AP3D1: variants seen among roughly 807,000 people sequenced by gnomAD.
AP3D1 encodes the protein adaptor related protein complex 3 subunit delta 1.
Under a neutral mutation model 147.6 loss-of-function variants are expected in AP3D1, and 51 were observed. The observed-to-expected ratio is 0.35, with a 90% CI of 0.28 to 0.44. AP3D1 has a LOEUF of 0.44. Ranked by LOEUF, AP3D1 falls within the 20% of genes least tolerant of loss-of-function variation. The pLI, the probability that AP3D1 is intolerant of heterozygous loss-of-function variation, is 1.00. For missense variants in AP3D1, 1,421 were observed against 1,624.2 expected (o/e 0.87, Z 2.15); for synonymous variants, 760 against 663.0 (o/e 1.15, Z -2.25).
intron 22 of AP3D1, 138 bp from the exon 23 acceptor site, chr19:2,113,551 G>C (rs528487420): frequency 1.4e-5 from 7 of 502,724 alleles, no homozygotes; most frequent in African/African-American, 1.2e-4. Context: ...TGCAGAGCCT[G>C]GGAATCCAGG....
intron 1 of AP3D1, among the ~76,000 whole-genome samples, chr19:2,150,230 G>A (rs1407887475): frequency 6.6e-6 from 1 of 152,184 alleles, no homozygotes; most frequent in Non-Finnish European, 1.5e-5. Flanking sequence ...GACTGGTGCG[G>A]TATCAGACGG....
chr19:2,158,873 A>G (rs1568315780), intron 1 of AP3D1, among the ~76,000 whole-genome samples: 1 of 152,344 alleles, frequency 6.6e-6, no homozygotes, highest in Non-Finnish European at 1.5e-5. Flanking sequence ...AAGTTAAACT[A>G]TAAACTAAGT....
intron 5 of AP3D1, 97 bp from the exon 6 acceptor site, chr19:2,130,634 C>T: frequency 1.9e-6 from 3 of 1,551,786 alleles, no homozygotes; most frequent in East Asian, 4.5e-5. Context: ...GAGATGCCCT[C>T]CAGCCCGACG....
chr19:2,157,408 C>A (rs985930610), intron 1 of AP3D1, among the ~76,000 whole-genome samples: 1 of 142,166 alleles, frequency 7.0e-6, no homozygotes, highest in African/African-American at 2.7e-5. Flanking sequence ...CGCCACTGCA[C>A]TCCAGCCTGG....
At chr19:2,132,394 C>T in intron 5 of AP3D1, 77 bp downstream of exon 5, 3 of 1,370,806 alleles carry the variant, frequency 2.2e-6, no homozygotes, top group Admixed American at 3.7e-5. Flanking sequence ...CATAGCCAAG[C>T]TTCCCAGGCA....
chr19:2,102,450 C>T (rs539053516), intron 31 of AP3D1, among the ~76,000 whole-genome samples, 182 bp from the exon 32 acceptor site: 3 of 152,104 alleles, frequency 2.0e-5, no homozygotes, highest in East Asian at 3.9e-4. Flanking sequence ...AAAAAATGGC[C>T]GGGTGCGGTG....
chr19:2,163,880 G>A (rs1322801544), intron 1 of AP3D1, among the ~76,000 whole-genome samples: 1 of 149,936 alleles, frequency 6.7e-6, no homozygotes, highest in Non-Finnish European at 1.5e-5. Flanking sequence ...CGGCGTCTTC[G>A]CTCCGGGCTC....
intron 2 of AP3D1, 113 bp from the exon 3 acceptor site, chr19:2,137,920 A>C: frequency 1.1e-6 from 1 of 893,700 alleles, no homozygotes; most frequent in Non-Finnish European, 1.8e-6. Flanking sequence ...AGACTCATTC[A>C]CTGTCAGCAA....
chr19:2,151,452 G>C lies in AP3D1; in HGVS notation c.-118C>G, dbSNP rs569529079. ...GCTGCCGGCCGCTGCGGCGGGGCAA[G>C]CTCCCAGGCCAGGGCGGCGGCGGGG... On this transcript the variant is annotated 5_prime_UTR_variant, in exon 1 of 32. Coordinates refer to ENST00000643116, the MANE Select transcript of AP3D1 (RefSeq NM_001261826.3). 1.8e-6 allele frequency: 1 copy of C among 561,648 alleles called. No individual in the cohort carries two copies. Among genetic ancestry groups the C allele is most frequent in the South Asian group, 7.4e-5 (1 of 13,490 alleles). The allele number at this position is 561,648 out of a possible 1,614,324, so 34.8% of individuals were successfully genotyped here. A position where few individuals can be genotyped will look rare whatever the true frequency, so the allele number is the denominator to read the frequency against.
chr19:2,132,198 G>C (rs1203843082), intron 5 of AP3D1, among the ~76,000 whole-genome samples: 1 of 152,106 alleles, frequency 6.6e-6, no homozygotes, highest in African/African-American at 2.4e-5. Context: ...TCAGACCTCA[G>C]GGCAAACATC....
In AP3D1 at chr19:2,143,353, G is replaced by A. The variant is rs566450610; in HGVS notation, c.97-4639C>T. Among the ~76,000 whole-genome samples, 308 of 145,368 alleles carry A rather than the reference G, an allele frequency of 2.1e-3. 1 individual carries two copies. Among genetic ancestry groups the A allele is most frequent in the African/African-American group, 7.7e-3 (299 of 38,740 alleles). ...CCTCCTGGGTTCATGCCATTCTCCT[G>A]CCTCAGCCTCCCAAGTAGCTGGGAC... On this transcript the variant is annotated intron_variant, in intron 1 of 31. Transcript: ENST00000643116.
Position 2,101,984 on chromosome 19 carries a change from A to G in AP3D1, c.*189T>C, listed in dbSNP as rs2017966187. The G allele has an allele frequency of 1.6e-5, 9 of 577,260 alleles. No individual in the cohort carries two copies. In the East Asian group the frequency reaches 2.8e-4, roughly 18 times the overall value. 35.8% of individuals were successfully genotyped at this position (577,260 alleles called of 1,614,324 possible). ...TGCCAAAGAGAATGGGAAGAGTCACAGTAAAAAAGGATGGTCAGATAATTC... is the reference window on the plus strand; with the variant it reads ...TGCCAAAGAGAATGGGAAGAGTCACGGTAAAAAAGGATGGTCAGATAATTC... On this transcript the variant is annotated 3_prime_UTR_variant, in exon 32 of 32. Coordinates refer to ENST00000643116, the MANE Select transcript of AP3D1 (RefSeq NM_001261826.3).
At position 2,115,311 on chromosome 19, in the gene AP3D1, C is replaced by T. The variant is rs753724262; in HGVS notation, c.2257G>A (p.Gly753Ser). The change falls in exon 20 of 32, where the codon GGC becomes AGC. Residue 753 changes from glycine to serine, a missense_variant. By Grantham distance (56) the Gly-to-Ser change is moderately conservative (BLOSUM62 0). Coordinates refer to ENST00000643116, the MANE Select transcript of AP3D1 (RefSeq NM_001261826.3). ...GGCAGCGAGCTGTGGCGGCGCTTGC[C>T]CTTCTTCTCCTTCTCCTTCCTCTTT... is the stretch of plus-strand genomic sequence containing the variant. ...RKKRKEKEKKGKRRHSSLPTE... is the reference protein window; with the variant it reads ...RKKRKEKEKKSKRRHSSLPTE... 5 of 1,611,962 alleles carry T rather than the reference C, an allele frequency of 3.1e-6. No individual in the cohort carries two copies. The Admixed American group carries it at 6.7e-5, about 21-fold the overall frequency.
intron 31 of AP3D1, among the ~76,000 whole-genome samples, chr19:2,104,252 ACCGAGGCACCAACT>A: frequency 7.4e-6 from 1 of 134,930 alleles, no homozygotes; most frequent in South Asian, 2.5e-4. Context: ...AGACCCCAAC[ACCGAGGCACCAACT>A]CCAAGACGCC....
At chr19:2,127,738 A>C (rs1268098963) in intron 8 of AP3D1, among the ~76,000 whole-genome samples, 1 of 152,116 alleles carries the variant, frequency 6.6e-6, no homozygotes, top group African/African-American at 2.4e-5. Context: ...TGTTGCCTAG[A>C]CTGGTCTTGA....
intron 16 of AP3D1, 138 bp from the exon 17 acceptor site, chr19:2,116,884 C>T (rs761029580): frequency 1.3e-5 from 16 of 1,195,708 alleles, no homozygotes; most frequent in East Asian, 8.1e-5. Context: ...ACAGGGCCAG[C>T]GAGGCAGGTG....
At chr19:2,164,464 G>A in exon 1 of AP3D1, 1 of 353,570 alleles carries the variant, frequency 2.8e-6, no homozygotes, top group East Asian at 4.2e-5. Context: ...GGAGCCCCGC[G>A]CGCCTGGGGT....
intron 21 of AP3D1, 102 bp downstream of exon 21, chr19:2,114,646 T>G: frequency 1.1e-5 from 4 of 368,506 alleles, no homozygotes; most frequent in Non-Finnish European, 1.6e-5. Context: ...CACCCCAGCC[T>G]GCCCACCCTG....
chr19:2,115,157 C>T, intron 20 of AP3D1, 62 bp downstream of exon 20: 1 of 1,539,460 alleles, frequency 6.5e-7, no homozygotes. Context: ...TGTGCATGGC[C>T]CCAGGACACA....
Sources: gnomAD v4.1 joint callset for allele counts (sites outside exome capture counted in the v4.1 genomes callset) on GRCh38, gnomAD v4.1.1 for gene constraint, MANE v1.5 for transcripts, NCBI Gene and HGNC (gene_info 2026-07-23, HGNC 2026-07-21) for gene names.